PRKN: variants seen among roughly 807,000 people sequenced by gnomAD.
The protein encoded by PRKN is E3 ubiquitin-protein ligase parkin.
Under a neutral mutation model 59.5 loss-of-function variants are expected in PRKN, and 56 were observed. The ratio of observed to expected loss-of-function variants is 0.94; its 90% CI spans 0.76 to 1.18. The LOEUF (loss-of-function observed/expected upper bound fraction) is 1.18, where lower values mean the gene tolerates loss of function less well. PRKN is among the 50% of genes most tolerant of loss of function. PRKN has a pLI of 0.00. For missense variants in PRKN, 657 were observed against 596.4 expected, an observed-to-expected ratio of 1.10 and a Z score of -1.06; for synonymous variants, 250 against 222.1, an observed-to-expected ratio of 1.13 and a Z score of -1.12.
chr6:162,574,117 G>A (rs1389240018), intron 1 of PRKN, among the ~76,000 whole-genome samples: 1 of 152,098 alleles, frequency 6.6e-6, no homozygotes. Flanking sequence ...CAACAGTGGC[G>A]GGGCTGCTGA....
chr6:162,562,800 C>T (rs1779896338), intron 1 of PRKN, among the ~76,000 whole-genome samples: 1 of 152,196 alleles, frequency 6.6e-6, no homozygotes, highest in Non-Finnish European at 1.5e-5. Context: ...GCCTTTATCA[C>T]CTACTGATTA....
chr6:162,289,882 A>G lies in PRKN; in HGVS notation c.172-27117T>C, dbSNP rs183781042. ...ATCATCAAGGGCAGGAGAAAGGGAA[A>G]GGAAGAACCTTGAATGTGACTGCAT... On this transcript the variant is annotated intron_variant, in intron 2 of 11. Coordinates refer to ENST00000366898, the MANE Select transcript of PRKN (RefSeq NM_004562.3). Among the ~76,000 whole-genome samples, 5 of 152,264 alleles carry G rather than the reference A, an allele frequency of 3.3e-5. No homozygotes were observed. The East Asian group carries it at 9.7e-4, about 29-fold the overall frequency.
At chr6:161,665,205 T>A (rs555250637) in intron 7 of PRKN, among the ~76,000 whole-genome samples, 4 of 152,000 alleles carry the variant, frequency 2.6e-5, no homozygotes, top group African/African-American at 7.2e-5. Flanking sequence ...TATTTTATTA[T>A]TTAATATAGA....
intron 5 of PRKN, among the ~76,000 whole-genome samples, chr6:162,008,440 G>T (rs1208502603): frequency 6.6e-6 from 1 of 152,104 alleles, no homozygotes; most frequent in African/African-American, 2.4e-5. Flanking sequence ...TATTCCTCAG[G>T]CCTCACTAAG....
chr6:161,949,450 G>A (rs1271086227), intron 6 of PRKN, among the ~76,000 whole-genome samples: 3 of 152,262 alleles, frequency 2.0e-5, no homozygotes, highest in Admixed American at 6.5e-5. Flanking sequence ...GGTGGAGGTT[G>A]CGGTGAGCCG....
At position 161,356,845 on chromosome 6, in the gene PRKN, C is replaced by T. The variant is rs568146658; in HGVS notation, c.1285+3243G>A. ...AAGCAGCTGGCTATTGGAGTCGGAC[C>T]GAGGGGCGAGATGAGGGTGGGGTGT... On this transcript the variant is annotated intron_variant, in intron 11 of 11. Coordinates refer to ENST00000366898, the MANE Select transcript of PRKN (RefSeq NM_004562.3). The surrounding 1 kb of genome is among the most constrained non-coding windows in gnomAD (Gnocchi z 7.8). Among the ~76,000 whole-genome samples, 87 of 151,978 alleles carry T rather than the reference C, an allele frequency of 5.7e-4. No individual in the cohort carries two copies. Among genetic ancestry groups the T allele is most frequent in the Middle Eastern group, 6.8e-3 (2 of 292 alleles).
intron 7 of PRKN, among the ~76,000 whole-genome samples, chr6:161,699,935 T>C (rs1786182498): frequency 6.6e-6 from 1 of 152,164 alleles, no homozygotes; most frequent in African/African-American, 2.4e-5. Context: ...TTTGAATTGG[T>C]TGGAGAGCTT....
intron 1 of PRKN, among the ~76,000 whole-genome samples, chr6:162,468,446 G>A (rs1222617022): frequency 6.6e-6 from 1 of 152,188 alleles, no homozygotes; most frequent in African/African-American, 2.4e-5. Context: ...AGAGCATATG[G>A]CAATTTGGCT....
intron 2 of PRKN, among the ~76,000 whole-genome samples, chr6:162,432,461 G>C (rs1041274328): frequency 1.3e-5 from 2 of 152,120 alleles, no homozygotes; most frequent in African/African-American, 4.8e-5. Flanking sequence ...AAGAGGTGGA[G>C]ACTGCAGTGA....
At position 161,349,515 on chromosome 6, in the gene PRKN, C is replaced by A. The variant is rs567299724; in HGVS notation, c.*584G>T. 3.9e-5 allele frequency: 9 copies of A among 233,554 alleles called. No homozygotes were observed. Among genetic ancestry groups the A allele is most frequent in the Admixed American group, 1.7e-4 (3 of 18,038 alleles). 14.5% of individuals were successfully genotyped at this position (233,554 alleles called of 1,614,324 possible). A position where few individuals can be genotyped will look rare whatever the true frequency, so the allele number is the denominator to read the frequency against. On this transcript the variant is annotated 3_prime_UTR_variant, in exon 12 of 12. Transcript: ENST00000366898. This position sits in a 1 kb window ranked among gnomAD's most constrained non-coding sequence, Gnocchi z 5.5. The stretch of plus-strand genomic sequence containing the variant: ...CTTAAGGATAAACAAATGTTTTTGA[C>A]TATTGCCTGGGGTTCTTTGGGAATA...
At chr6:162,286,916 A>G (rs1781216426) in intron 2 of PRKN, among the ~76,000 whole-genome samples, 1 of 152,212 alleles carries the variant, frequency 6.6e-6, no homozygotes, top group African/African-American at 2.4e-5. Context: ...TCATCTTGTA[A>G]AACCACGTTG....
chr6:162,005,474 T>C (rs182545379), intron 5 of PRKN, among the ~76,000 whole-genome samples: 20 of 152,108 alleles, frequency 1.3e-4, no homozygotes, highest in Admixed American at 1.1e-3. Flanking sequence ...AAGATTCAAC[T>C]CAACTCTCAA....
chr6:161,526,407 T>C lies in PRKN; in HGVS notation c.1083+22447A>G, dbSNP rs966264042. Among the ~76,000 whole-genome samples the C allele has an allele frequency of 6.6e-6, 1 of 152,218 alleles. No individual in the cohort carries two copies. The highest frequency in any genetic ancestry group is 1.9e-4 in the East Asian group (1 of 5,198). The stretch of plus-strand genomic sequence containing the variant: ...TTGAAAAGTACCTAAGCTACAACAA[T>C]GGGCAAAAAGTTTCTCGAATGCACA... On this transcript the variant is annotated intron_variant, in intron 9 of 11. Transcript: ENST00000366898. The surrounding 1 kb of genome is among the most constrained non-coding windows in gnomAD (Gnocchi z 4.1).
At chr6:162,706,633 A>T (rs1300685922) in intron 1 of PRKN, among the ~76,000 whole-genome samples, 1 of 152,202 alleles carries the variant, frequency 6.6e-6, no homozygotes, top group African/African-American at 2.4e-5. Context: ...TTGGTGCTTC[A>T]GTTTCCTCCT....
chr6:162,652,505 C>T (rs527605424), intron 1 of PRKN, among the ~76,000 whole-genome samples: 74 of 151,944 alleles, frequency 4.9e-4, no homozygotes, highest in Middle Eastern at 3.4e-3. Context: ...CAATAGTATC[C>T]TTAGAATTCA....
intron 9 of PRKN, among the ~76,000 whole-genome samples, chr6:161,474,290 C>A (rs1430103705): frequency 6.6e-6 from 1 of 152,138 alleles, no homozygotes; most frequent in Non-Finnish European, 1.5e-5. Context: ...TGTTGGCTAC[C>A]CCATAGTTAT....
At position 161,758,567 on chromosome 6, in the gene PRKN, T is replaced by C. The variant is rs971015629; in HGVS notation, c.871+27205A>G. Reference sequence around the variant, plus strand: ...GGCAGGGACACATGGGAGGGGTCAATGGCTATGTTCCTTACATTGATTGTT... The same window carrying C: ...GGCAGGGACACATGGGAGGGGTCAACGGCTATGTTCCTTACATTGATTGTT... On this transcript the variant is annotated intron_variant, in intron 7 of 11. Coordinates refer to ENST00000366898, the MANE Select transcript of PRKN (RefSeq NM_004562.3). Among the ~76,000 whole-genome samples, 49 of 152,308 alleles carry C rather than the reference T, an allele frequency of 3.2e-4. 1 individual carries two copies. The highest frequency in any genetic ancestry group is 3.2e-3 in the Admixed American group (49 of 15,300).
chr6:161,873,707 C>A (rs775305111), intron 6 of PRKN, among the ~76,000 whole-genome samples: 1 of 151,510 alleles, frequency 6.6e-6, no homozygotes. Flanking sequence ...GCATTTGACT[C>A]TCGTCAAAAA....
intron 6 of PRKN, among the ~76,000 whole-genome samples, chr6:161,795,019 G>A (rs1790782526): frequency 1.3e-5 from 2 of 151,184 alleles, no homozygotes; most frequent in South Asian, 2.1e-4. Context: ...CGAGTAGCTG[G>A]GACTACAGGC....
Sources: allele counts gnomAD v4.1 joint callset (sites outside exome capture counted in the v4.1 genomes callset), GRCh38; gene constraint gnomAD v4.1.1; non-coding constraint Gnocchi (gnomAD v3.1); transcripts MANE v1.5; gene names NCBI Gene and HGNC (gene_info 2026-07-23, HGNC 2026-07-21).